DPP3: variants seen among roughly 807,000 people sequenced by gnomAD.
DPP3 encodes the protein dipeptidyl peptidase 3, also known as DPP III.
Under a neutral mutation model 89.8 loss-of-function variants are expected in DPP3, and 64 were observed. The ratio of observed to expected loss-of-function variants is 0.71; its 90% CI spans 0.58 to 0.88. The LOEUF is 0.88. Ranked by LOEUF, DPP3 falls within the 40% of genes least tolerant of loss-of-function variation. The pLI is 0.00. For synonymous variants in DPP3, 377 were observed against 404.3 expected (o/e 0.93, Z 0.81); for missense variants, 835 against 972.5 (o/e 0.86, Z 1.88).
intron 10 of DPP3, 45 bp downstream of exon 10, chr11:66,492,955 T>G (rs1565270706): frequency 6.3e-7 from 1 of 1,596,982 alleles, no homozygotes; most frequent in African/African-American, 1.3e-5. Flanking sequence ...AACCTTCCTT[T>G]AGAGTCGCCC....
chr11:66,489,549 G>A (rs529055831), intron 6 of DPP3, among the ~76,000 whole-genome samples: 15 of 152,370 alleles, frequency 9.8e-5, no homozygotes, highest in African/African-American at 3.6e-4. Context: ...GTTTCGGGCA[G>A]TGGTTGAATG....
rs76777675 is a variant in DPP3, at chr11:66,493,573, C to T, written c.1329C>T (p.Phe443=). 4.1e-3 allele frequency: 6,627 copies of T among 1,613,164 alleles called. 239 individuals carry two copies. In the African/African-American group the frequency reaches 0.077, roughly 19 times the overall value. Residue 443 remains phenylalanine (F), a synonymous_variant, in exon 12 of 18, where the codon TTC becomes TTT. Coordinates refer to ENST00000531863, the MANE Select transcript of DPP3 (RefSeq NM_130443.4). ...DLYILWKGPS[F]DVQVGLHELL... is the part of the protein sequence containing the mutation. ...ACATCCTCTGGAAGGGGCCCTCCTT[C>T]GATGTGCAGGTGGGCCTGCACGAGC... is the stretch of plus-strand genomic sequence containing the variant.
At chr11:66,498,125 G>A (rs1013992528) in intron 16 of DPP3, among the ~76,000 whole-genome samples, 2 of 143,442 alleles carry the variant, frequency 1.4e-5, no homozygotes, top group Non-Finnish European at 3.0e-5. Context: ...ACAGGGTCTC[G>A]CTCTGTCGCC....
In DPP3 at chr11:66,491,566, G is replaced by A. The variant is rs368941305; in HGVS notation, c.871G>A (p.Glu291Lys). The change falls in exon 8 of 18, where the codon GAG becomes AAG. Residue 291 changes from glutamate (E) to lysine (K), a missense_variant. Physicochemically the swap from Glu to Lys is moderately conservative, Grantham distance 56. Transcript: ENST00000531863. The stretch of plus-strand genomic sequence containing the variant: ...AGAGAGCTTCACCCAGGGCTCCATC[G>A]AGGCCCACAAGAGGGGCTCCCGCTT... Reference protein sequence around the residue: ...YIESFTQGSIEAHKRGSRFWI... With the variant: ...YIESFTQGSIKAHKRGSRFWI... 8 of 1,613,714 alleles carry A rather than the reference G, an allele frequency of 5.0e-6. No homozygotes were observed. The highest frequency in any genetic ancestry group is 2.2e-5 in the East Asian group (1 of 44,878).
Position 66,497,309 on chromosome 11 carries a change from G to A in DPP3, c.1710G>A (p.Gln570=), listed in dbSNP as rs779374167. The A allele has an allele frequency of 2.5e-6, 4 of 1,613,780 alleles. No individual in the cohort carries two copies. In the Admixed American group the frequency reaches 6.7e-5, roughly 27 times the overall value. The stretch of plus-strand genomic sequence containing the variant: ...CCCTGCTCCGGCAGGCCCATATGCA[G>A]GCCCGGTTTGTGATCCTGAGAGTCT... The part of the protein sequence containing the change: ...EAFNWRQAHM[Q]ARFVILRVLL... The change falls in exon 16 of 18, where the codon CAG becomes CAA. Residue 570 remains glutamine, a synonymous_variant. Coordinates refer to ENST00000531863, the MANE Select transcript of DPP3 (RefSeq NM_130443.4).
At chr11:66,504,853 T>A in intron 17 of DPP3, 79 bp downstream of exon 17, 1 of 1,432,076 alleles carries the variant, frequency 7.0e-7, no homozygotes, top group Non-Finnish European at 9.3e-7. Flanking sequence ...TAAGAACCCA[T>A]CCCAGGGCTC....
Position 66,491,293 on chromosome 11 carries a change from C to T in DPP3, c.708C>T (p.Ser236=). The change falls in exon 7 of 18, where the codon AGC becomes AGT. Residue 236 remains serine, a synonymous_variant. Transcript: ENST00000531863. ...LDSEVTSKLK[S]YEFRGSPFQV... is the part of the protein sequence containing the mutation. ...CTGAGGTGACTTCCAAGCTGAAGAG[C>T]TATGAATTCCGGGGAAGCCCTTTCC... 6.2e-7 allele frequency: 1 copy of T among 1,613,932 alleles called. No individual in the cohort carries two copies. The highest frequency in any genetic ancestry group is 8.5e-7 in the Non-Finnish European group (1 of 1,179,982).
At chr11:66,485,321 A>C in intron 3 of DPP3, 59 bp downstream of exon 3, 2 of 1,535,280 alleles carry the variant, frequency 1.3e-6, no homozygotes, top group East Asian at 2.3e-5. Flanking sequence ...TAGAGATGGA[A>C]AATGCAGTAG....
intron 12 of DPP3, among the ~76,000 whole-genome samples, chr11:66,494,367 A>G (rs1855478162): frequency 6.6e-6 from 1 of 152,324 alleles, no homozygotes; most frequent in East Asian, 1.9e-4. Flanking sequence ...TGGATCAGGA[A>G]GGGCTGGAAC....
intron 2 of DPP3, 57 bp from the exon 3 acceptor site, chr11:66,485,116 T>C (rs916571989): frequency 6.8e-5 from 103 of 1,517,196 alleles, no homozygotes; most frequent in Middle Eastern, 3.7e-4. Context: ...GGAGGAGGTG[T>C]CGCTGGGGTC....
intron 17 of DPP3, among the ~76,000 whole-genome samples, chr11:66,506,125 T>A (rs765683174): frequency 6.6e-6 from 1 of 151,910 alleles, no homozygotes; most frequent in East Asian, 1.9e-4. Context: ...ATTTTTGTAT[T>A]TTTTTTAGTA....
intron 2 of DPP3, chr11:66,483,011 TTC>T (rs1440157954): frequency 1.3e-5 from 2 of 152,140 alleles, no homozygotes; most frequent in African/African-American, 4.9e-5. Flanking sequence ...AGCCTTTTCT[TTC>T]TCTCTCTTTT....
chr11:66,492,774 C>A lies in DPP3; in HGVS notation c.1047C>A (p.Ser349Arg). ...CCAAGTTTGAGCGGCTGGTGGCGAG[C>A]GCAGAGCAGCTGCTGAAGGAGCTGC... is the stretch of plus-strand genomic sequence containing the variant. Reference protein sequence around the residue: ...MSAKFERLVASAEQLLKELPW... With the variant: ...MSAKFERLVARAEQLLKELPW... Residue 349 changes from serine (S) to arginine (R), a missense_variant, in exon 10 of 18, where the codon AGC becomes AGA. Physicochemically the swap from Ser to Arg is moderately radical, Grantham distance 110. Coordinates refer to ENST00000531863, the MANE Select transcript of DPP3 (RefSeq NM_130443.4). 1 of 1,613,468 alleles carries A rather than the reference C, an allele frequency of 6.2e-7. No homozygotes were observed. Among genetic ancestry groups the A allele is most frequent in the Non-Finnish European group, 8.5e-7 (1 of 1,179,724 alleles).
chr11:66,491,876 A>T, intron 9 of DPP3, 120 bp downstream of exon 9: 1 of 1,111,298 alleles, frequency 9.0e-7, no homozygotes, highest in Non-Finnish European at 1.4e-6. Context: ...CAGTAAGAAC[A>T]GCCATGGTAA....
At position 66,482,373 on chromosome 11, in the gene DPP3, A is replaced by T. The variant is rs774010092; in HGVS notation, c.173A>T (p.Tyr58Phe). Residue 58 changes from tyrosine to phenylalanine, a missense_variant, in exon 2 of 18, where the codon TAC becomes TTC. By Grantham distance (22) the Tyr-to-Phe change is conservative (BLOSUM62 3). Transcript: ENST00000531863. ...CTTCAGACCTCCCCTGAGGCCCCCT[A>T]CATCTATGCTCTGCTCAGCCGCCTC... The part of the protein sequence containing the change: ...VLLQTSPEAP[Y>F]IYALLSRLFR... 3.7e-6 allele frequency: 6 copies of T among 1,612,456 alleles called. No homozygotes were observed. Among genetic ancestry groups the T allele is most frequent in the Non-Finnish European group, 5.1e-6 (6 of 1,179,994 alleles).
In DPP3 at chr11:66,505,707, G is replaced by C. The variant is rs1855782078; in HGVS notation, c.2041+933G>C. On this transcript the variant is annotated intron_variant, in intron 17 of 17. Transcript: ENST00000531863. The stretch of plus-strand genomic sequence containing the variant: ...GTCAAATTAAGAGTGGTTGAGTCAG[G>C]CATGGTGGCCCCTGCCTATAGTCCC... 3.3e-5 allele frequency among the ~76,000 whole-genome samples: 5 copies of C among 151,804 alleles called. No individual in the cohort carries two copies. In the South Asian group the frequency reaches 1.0e-3, roughly 32 times the overall value.
chr11:66,481,958 T>C (rs935743101), intron 1 of DPP3: 2 of 585,786 alleles, frequency 3.4e-6, no homozygotes, highest in Non-Finnish European at 6.0e-6. Flanking sequence ...TTAGAGTCAA[T>C]CTTTAAGGTT....
intron 17 of DPP3, among the ~76,000 whole-genome samples, chr11:66,506,673 C>T (rs1468354366): frequency 3.3e-5 from 5 of 152,132 alleles, no homozygotes; most frequent in African/African-American, 9.7e-5. Context: ...TCACTGTACT[C>T]CAGTCTCCCG....
At chr11:66,492,573 G>GCCTGGGCCCTACTGGGTCAGGA in intron 9 of DPP3, 143 bp from the exon 10 acceptor site, 1 of 976,830 alleles carries the variant, frequency 1.0e-6, no homozygotes, top group Non-Finnish European at 1.5e-6. Context: ...TAGGGCCCAG[G>GCCTGGGCCCTACTGGGTCAGGA]CCTGGGTCAC....
Sources: gnomAD v4.1 joint callset for allele counts (sites outside exome capture counted in the v4.1 genomes callset) on GRCh38, gnomAD v4.1.1 for gene constraint, MANE v1.5 for transcripts, NCBI Gene and HGNC (gene_info 2026-07-23, HGNC 2026-07-21) for gene names.